The following CFAP99 variants were observed in gnomAD, a reference collection of about 807,000 sequenced individuals.
The protein encoded by CFAP99 is cilia and flagella associated protein 99.
CFAP99 carries 84 observed loss-of-function variants against 82.7 expected under a neutral mutation model. That is an observed-to-expected ratio of 1.02 (90% confidence interval 0.85 to 1.22). The LOEUF (loss-of-function observed/expected upper bound fraction) is 1.22. CFAP99 is among the 50% of genes most tolerant of loss of function. The probability of loss-of-function intolerance (pLI) is 0.00; values close to 1 mark genes in which losing one functional copy is unlikely to be tolerated. For synonymous variants in CFAP99, 456 were observed against 429.5 expected (o/e 1.06, Z -0.76); for missense variants, 1,059 against 983.5 (o/e 1.08, Z -1.03).
intron 12 of CFAP99, 51 bp from the exon 13 acceptor site, chr4:2,459,056 C>A (rs1398830042): frequency 2.0e-6 from 3 of 1,472,388 alleles, no homozygotes; most frequent in Admixed American, 4.7e-5. Context: ...TCCTGTCCAG[C>A]CCCTGCCCTG....
intron 8 of CFAP99, 175 bp downstream of exon 8, chr4:2,450,180 G>A (rs1321071995): frequency 3.0e-6 from 2 of 677,734 alleles, no homozygotes; most frequent in African/African-American, 3.6e-5. Context: ...ACTGCGATGT[G>A]GCCCCTAAGC....
At chr4:2,437,567 C>T (rs550813200) in intron 3 of CFAP99, among the ~76,000 whole-genome samples, 4 of 152,238 alleles carry the variant, frequency 2.6e-5, no homozygotes, top group Admixed American at 1.3e-4. Flanking sequence ...GTGGGGCGAG[C>T]GCTGTAGGGT....
At chr4:2,455,957 A>G (rs1355596559) in intron 11 of CFAP99, among the ~76,000 whole-genome samples, 2 of 152,192 alleles carry the variant, frequency 1.3e-5, no homozygotes, top group Middle Eastern at 6.3e-3. Context: ...TAGTACCACA[A>G]CCCGACGCAT....
At chr4:2,459,684 G>A (rs1734565716) in intron 13 of CFAP99, among the ~76,000 whole-genome samples, 1 of 152,242 alleles carries the variant, frequency 6.6e-6, no homozygotes, top group South Asian at 2.1e-4. Flanking sequence ...CCAGGCCTCA[G>A]AGGAGTGCGG....
chr4:2,460,211 C>G, exon 14 of CFAP99: 4 of 1,536,022 alleles, frequency 2.6e-6, no homozygotes, highest in Non-Finnish European at 3.5e-6. Context: ...CTCGCTGTGC[C>G]GTGCAGCCAT....
chr4:2,438,509 G>A (rs1415564178), intron 4 of CFAP99, among the ~76,000 whole-genome samples: 7 of 152,088 alleles, frequency 4.6e-5, no homozygotes, highest in East Asian at 1.9e-4. Context: ...TGATCCGCCC[G>A]CCTCGGCCTC....
chr4:2,424,747 C>T (rs906228351), intron 1 of CFAP99, among the ~76,000 whole-genome samples: 4 of 152,242 alleles, frequency 2.6e-5, no homozygotes, highest in East Asian at 1.9e-4. Context: ...TTGGGTTCAG[C>T]CCCTGCTTCC....
chr4:2,419,270 C>A (rs564213646), intron 1 of CFAP99, among the ~76,000 whole-genome samples, 177 bp downstream of exon 1: 14 of 151,816 alleles, frequency 9.2e-5, no homozygotes, highest in African/African-American at 3.1e-4. Flanking sequence ...CCACTATCAG[C>A]GGTGCGTTCT....
Position 2,462,500 on chromosome 4 carries a change from C to A in CFAP99, c.1719C>A (p.Arg573=), listed in dbSNP as rs1322902942. 6.8e-7 allele frequency: 1 copy of A among 1,477,502 alleles called. No individual in the cohort carries two copies. The highest frequency in any genetic ancestry group is 2.4e-5 in the Admixed American group (1 of 41,942). The allele number at this position is 1,477,502 out of a possible 1,614,324, so 91.5% of individuals were successfully genotyped here. The change falls in exon 15 of 15, where the codon CGC becomes CGA. Residue 573 remains arginine (R), a synonymous_variant. Transcript: ENST00000635017. The surrounding 1 kb of genome is among the most constrained non-coding windows in gnomAD (Gnocchi z 4.1). ...CGGCGGCGCCCTCGCAGGACGAGCG[C>A]GTGCAGCAGCTGCGGCGCAGGATCT...
At chr4:2,447,378 T>C (rs767323277) in intron 6 of CFAP99, among the ~76,000 whole-genome samples, 1 of 148,012 alleles carries the variant, frequency 6.8e-6, no homozygotes, top group Admixed American at 6.7e-5. Context: ...GATTGGATGA[T>C]TGGATAGATG....
Position 2,446,339 on chromosome 4 carries a change from TTC to T in CFAP99, c.642+1035_642+1036del, listed in dbSNP as rs1248091796. Among the ~76,000 whole-genome samples, 2 of 152,018 alleles carry T rather than the reference TTC, an allele frequency of 1.3e-5. No homozygotes were observed. The highest frequency in any genetic ancestry group is 2.9e-5 in the Non-Finnish European group (2 of 68,010). On this transcript the variant is annotated intron_variant, in intron 6 of 14. Coordinates refer to ENST00000635017, the Ensembl canonical transcript of CFAP99. The surrounding 1 kb of genome is among the most constrained non-coding windows in gnomAD (Gnocchi z 5.0). ...CATCATCCATCTTATTTGTCCCATA[TTC>T]TCTTTTTATTTCATTTTATTATTGT...
At chr4:2,451,981 C>G (rs949347234) in intron 10 of CFAP99, among the ~76,000 whole-genome samples, 161 bp from the exon 11 acceptor site, 13 of 151,810 alleles carry the variant, frequency 8.6e-5, no homozygotes, top group East Asian at 1.9e-4. Context: ...GATGGGTGGA[C>G]AGTGGGTCGG....
chr4:2,460,231 C>T (rs775746264), exon 14 of CFAP99: 22 of 1,536,068 alleles, frequency 1.4e-5, no homozygotes, highest in East Asian at 4.9e-5. Flanking sequence ...TGGGGAGATC[C>T]GCAGCCTTGA....
intron 10 of CFAP99, 27 bp from the exon 11 acceptor site, chr4:2,452,115 G>A: frequency 6.5e-7 from 1 of 1,534,062 alleles, no homozygotes; most frequent in Non-Finnish European, 8.7e-7. Context: ...GAAACCCCAA[G>A]CTGTGCTTCT....
At chr4:2,447,015 G>A (rs1394702978) in intron 6 of CFAP99, among the ~76,000 whole-genome samples, 1 of 151,708 alleles carries the variant, frequency 6.6e-6, no homozygotes, top group Non-Finnish European at 1.5e-5. Flanking sequence ...TGAATGGATG[G>A]ATGGGTAGAT....
chr4:2,435,692 G>A (rs1733891945), intron 2 of CFAP99, among the ~76,000 whole-genome samples: 1 of 152,204 alleles, frequency 6.6e-6, no homozygotes. Context: ...GGGAGGCCAA[G>A]GCAGGAGGAT....
chr4:2,450,497 A>G (rs377553944), intron 8 of CFAP99: 8 of 284,294 alleles, frequency 2.8e-5, no homozygotes, highest in East Asian at 2.8e-4. Context: ...CCGAGTGCTC[A>G]GAGGGGTGGC....
chr4:2,435,994 A>C (rs1341159857), intron 2 of CFAP99, among the ~76,000 whole-genome samples: 1 of 151,524 alleles, frequency 6.6e-6, no homozygotes, highest in Non-Finnish European at 1.5e-5. Context: ...CAGGAGGCCG[A>C]GGTGGGAAGG....
intron 8 of CFAP99, 25 bp downstream of exon 8, chr4:2,450,030 C>G: frequency 6.5e-7 from 1 of 1,534,230 alleles, no homozygotes; most frequent in South Asian, 1.2e-5. Context: ...TCTCAAGACC[C>G]ATCATCGAGG....
Sources: gnomAD v4.1 joint callset for allele counts (sites outside exome capture counted in the v4.1 genomes callset) on GRCh38, gnomAD v4.1.1 for gene constraint, Gnocchi (gnomAD v3.1) non-coding constraint, MANE v1.5 for transcripts, NCBI Gene and HGNC (gene_info 2026-07-23, HGNC 2026-07-21) for gene names.